The following CDH23 variants were observed in gnomAD, a reference collection of about 807,000 sequenced individuals.
CDH23 encodes cadherin-23.
In CDH23, 189 loss-of-function variants were observed where a neutral mutation model predicts 317.1. The observed-to-expected ratio is 0.60, with a 90% CI of 0.53 to 0.67. The LOEUF (loss-of-function observed/expected upper bound fraction) is 0.67. Ranked by LOEUF, CDH23 falls within the 30% of genes least tolerant of loss-of-function variation. CDH23 has a pLI of 0.00. For missense variants in CDH23, 4,401 were observed against 4,592.4 expected (o/e 0.96, Z 1.20); for synonymous variants, 1,839 against 1,876.8 (o/e 0.98, Z 0.52).
intron 28 of CDH23, 56 bp downstream of exon 28, chr10:71,712,869 C>T (rs1866037421): frequency 1.3e-6 from 2 of 1,580,964 alleles, no homozygotes; most frequent in Non-Finnish European, 1.7e-6. Context: ...CGGAGCCACA[C>T]ACGGCCCTGA....
At chr10:71,781,469 T>C (rs1411393393) in intron 41 of CDH23, among the ~76,000 whole-genome samples, 1 of 152,172 alleles carries the variant, frequency 6.6e-6, no homozygotes, top group Non-Finnish European at 1.5e-5. Context: ...TGCCGGCACC[T>C]GGTGGAGAGG....
At chr10:71,511,426 T>C (rs1853980249) in intron 6 of CDH23, among the ~76,000 whole-genome samples, 1 of 151,920 alleles carries the variant, frequency 6.6e-6, no homozygotes, top group South Asian at 2.1e-4. Context: ...GGCCGGTAGG[T>C]TGGGAGCCTT....
intron 3 of CDH23, among the ~76,000 whole-genome samples, chr10:71,507,144 G>A (rs776741273): frequency 6.6e-6 from 1 of 152,220 alleles, no homozygotes; most frequent in African/African-American, 2.4e-5. Flanking sequence ...AGGTACAGCA[G>A]GTGAGGATTG....
intron 9 of CDH23, 97 bp downstream of exon 9, chr10:71,578,089 C>A (rs1156347354): frequency 1.6e-6 from 2 of 1,244,880 alleles, no homozygotes; most frequent in African/African-American, 3.0e-5. Context: ...AAGGAGAGGT[C>A]TGCGGGCATG....
At chr10:71,666,859 A>G (rs1037746080) in intron 14 of CDH23, among the ~76,000 whole-genome samples, 3 of 152,194 alleles carry the variant, frequency 2.0e-5, no homozygotes, top group Non-Finnish European at 4.4e-5. Context: ...ACACAGTTTA[A>G]GGACTTATAC....
intron 14 of CDH23, among the ~76,000 whole-genome samples, chr10:71,660,096 G>A (rs1242913690): frequency 6.6e-6 from 1 of 151,882 alleles, no homozygotes; most frequent in Non-Finnish European, 1.5e-5. Flanking sequence ...GAGTAGCCGG[G>A]ATTACAGGCG....
chr10:71,645,583 C>T (rs1474510091), intron 12 of CDH23: 2 of 693,476 alleles, frequency 2.9e-6, no homozygotes, highest in East Asian at 5.6e-5. Context: ...GAAGGGGACA[C>T]TGTGGGCATC....
rs1357095613 is a variant in CDH23 at position 71,810,053 on chromosome 10, A to G, written c.8956A>G (p.Ile2986Val). ...IHLLSNITGA[I>V]VNTDNVQFHV... ...CCTGCTCTCCAACATCACTGGGGCC[A>G]TTGTCAATACTGACAATGTGCAGGT... Residue 2986 changes from isoleucine to valine, a missense_variant, in exon 61 of 70, where the codon ATT becomes GTT. Physicochemically the swap from Ile to Val is conservative, Grantham distance 29. Coordinates refer to ENST00000224721, the MANE Select transcript of CDH23 (RefSeq NM_022124.6). 2 of 1,612,604 alleles carry G rather than the reference A, an allele frequency of 1.2e-6. No homozygotes were observed. The highest frequency in any genetic ancestry group is 1.7e-6 in the Non-Finnish European group (2 of 1,179,836).
chr10:71,803,313 C>A lies in CDH23; in HGVS notation c.7765C>A (p.Pro2589Thr). 6.3e-7 allele frequency: 1 copy of A among 1,591,688 alleles called. No homozygotes were observed. The highest frequency in any genetic ancestry group is 8.6e-7 in the Non-Finnish European group (1 of 1,169,040). Residue 2589 changes from proline to threonine, a missense_variant, in exon 55 of 70, where the codon CCC (proline) becomes ACC (threonine). Coordinates refer to ENST00000224721, the MANE Select transcript of CDH23 (RefSeq NM_022124.6). ...CGTGGTGGCCACAGATGGTGGAGAG[C>A]CCCCACTCTGGGGCACCACCATGCT... The part of the protein sequence containing the change: ...LTVVATDGGE[P>T]PLWGTTMLLV...
At chr10:71,399,122 A>G (rs1260868807) in intron 1 of CDH23, among the ~76,000 whole-genome samples, 26 of 152,262 alleles carry the variant, frequency 1.7e-4, no homozygotes, top group Admixed American at 1.6e-3. Context: ...ATTTGAGCCA[A>G]GTATTTTAAA....
chr10:71,497,897 G>A (rs528275742), intron 3 of CDH23, among the ~76,000 whole-genome samples: 10 of 152,230 alleles, frequency 6.6e-5, no homozygotes, highest in African/African-American at 2.2e-4. Context: ...CGGCCAAGTA[G>A]AGCTACTCCC....
intron 40 of CDH23, 123 bp from the exon 41 acceptor site, chr10:71,779,144 A>G (rs949585779): frequency 2.7e-5 from 24 of 893,338 alleles, no homozygotes; most frequent in East Asian, 5.2e-5. Flanking sequence ...CCGACTTCCC[A>G]TATGATTCCT....
Position 71,658,998 on chromosome 10 carries a change from C to T in CDH23, c.1449+12381C>T, listed in dbSNP as rs149220817. Among the ~76,000 whole-genome samples the T allele has an allele frequency of 1.4e-3, 215 of 152,314 alleles. 1 individual carries two copies. The highest frequency in any genetic ancestry group is 1.5e-3 in the Non-Finnish European group (101 of 68,016). ...AAATGAAAGGGTTCTGCTGGACACT[C>T]TCTAAGGCCCCCTGTGCCAACAACA... On this transcript the variant is annotated intron_variant, in intron 14 of 69. Coordinates refer to ENST00000224721, the MANE Select transcript of CDH23 (RefSeq NM_022124.6).
intron 11 of CDH23, among the ~76,000 whole-genome samples, chr10:71,637,028 G>T (rs1654094704): frequency 6.6e-6 from 1 of 152,174 alleles, no homozygotes; most frequent in African/African-American, 2.4e-5. Context: ...CTTAATGTAG[G>T]GGTTGGAGGG....
intron 3 of CDH23, among the ~76,000 whole-genome samples, chr10:71,507,155 C>T (rs1004032076): frequency 6.6e-5 from 10 of 152,154 alleles, no homozygotes; most frequent in Non-Finnish European, 1.2e-4. Context: ...GTGAGGATTG[C>T]GGTCCAGGGG....
rs771210121 is a variant in CDH23, at chr10:71,793,265, C to T, written c.6337C>T (p.Gln2113Ter). Residue 2113 changes from glutamine (Q) to a stop codon, truncating the protein, a stop_gained, in exon 48 of 70, where the codon CAG (glutamine) becomes TAG (stop). Coordinates refer to ENST00000224721, the MANE Select transcript of CDH23 (RefSeq NM_022124.6). LOFTEE classifies it high-confidence loss of function. ...ELVYRIEAGA[Q>*]DRFLIHLVTG... Reference sequence around the variant, plus strand: ...GGTCTACCGAATAGAAGCTGGGGCTCAGGACCGCTTCCTCATTCATCTGGT... The same window carrying T: ...GGTCTACCGAATAGAAGCTGGGGCTTAGGACCGCTTCCTCATTCATCTGGT... 7 of 1,613,960 alleles carry T rather than the reference C, an allele frequency of 4.3e-6. No individual in the cohort carries two copies. Among genetic ancestry groups the T allele is most frequent in the Non-Finnish European group, 5.9e-6 (7 of 1,179,884 alleles).
intron 31 of CDH23, 48 bp downstream of exon 31, chr10:71,730,652 C>T: frequency 6.2e-7 from 1 of 1,607,856 alleles, no homozygotes; most frequent in South Asian, 1.1e-5. Context: ...CAGAGCAAAC[C>T]TCCCCAGCTC....
chr10:71,750,381 C>A (rs1839964076), intron 38 of CDH23: 1 of 146,440 alleles, frequency 6.8e-6, no homozygotes, highest in South Asian at 2.3e-4. Context: ...CCAGGGTGGA[C>A]AAGACATTGT....
intron 1 of CDH23, among the ~76,000 whole-genome samples, chr10:71,402,974 T>A (rs1847853935): frequency 6.6e-6 from 1 of 151,530 alleles, no homozygotes. Flanking sequence ...AAAAAAAAAT[T>A]AGCCGAGCGT....
Sources: allele counts gnomAD v4.1 joint callset (sites outside exome capture counted in the v4.1 genomes callset), GRCh38; gene constraint gnomAD v4.1.1; transcripts MANE v1.5; gene names NCBI Gene and HGNC (gene_info 2026-07-23, HGNC 2026-07-21).